The following THRSP variants were observed in gnomAD, a reference collection of about 807,000 sequenced individuals.
The protein encoded by THRSP is thyroid hormone responsive.
THRSP carries 9 observed loss-of-function variants against 11.1 expected under a neutral mutation model. That is an observed-to-expected ratio of 0.81 (90% CI 0.49 to 1.42). The LOEUF (loss-of-function observed/expected upper bound fraction) is 1.42. Ranked by LOEUF, THRSP falls within the 40% of genes most tolerant of loss-of-function variation. The pLI is 0.00. For synonymous variants in THRSP, 73 were observed against 78.1 expected (o/e 0.94, Z 0.34); for missense variants, 177 against 188.2 (o/e 0.94, Z 0.35).
chr11:78,066,117 T>C (rs1222469954), intron 1 of THRSP, among the ~76,000 whole-genome samples: 2 of 152,252 alleles, frequency 1.3e-5, no homozygotes, highest in African/African-American at 2.4e-5. Context: ...GGCATTTGAA[T>C]AGTTTTAAGA....
intron 1 of THRSP, among the ~76,000 whole-genome samples, chr11:78,067,135 T>A (rs551803786): frequency 6.7e-6 from 1 of 150,100 alleles, no homozygotes; most frequent in African/African-American, 2.5e-5. Flanking sequence ...TTTTTTTTTT[T>A]TTTGAGATGG....
At chr11:78,064,930 A>C (rs527838560) in intron 1 of THRSP, among the ~76,000 whole-genome samples, 1 of 149,388 alleles carries the variant, frequency 6.7e-6, no homozygotes, top group African/African-American at 2.5e-5. Flanking sequence ...CAGAGGTTGC[A>C]GTGAGCTGAG....
chr11:78,064,127 C>T lies in THRSP; in HGVS notation c.246C>T (p.Ala82=). The T allele has an allele frequency of 6.2e-7, 1 of 1,614,004 alleles. No homozygotes were observed. The highest frequency in any genetic ancestry group is 8.5e-7 in the Non-Finnish European group (1 of 1,180,014). ...TGCTGCCGCGGGAGGAGTGGCAGGCCAAGGTGGCAGGCAGCGAAGAGAATG... is the reference window on the plus strand; with the variant it reads ...TGCTGCCGCGGGAGGAGTGGCAGGCTAAGGTGGCAGGCAGCGAAGAGAATG... ...HGLLPREEWQ[A]KVAGSEENGT... The change falls in exon 1 of 2, where the codon GCC becomes GCT. Residue 82 remains alanine, a synonymous_variant. Transcript: ENST00000281030.
At position 78,064,354 on chromosome 11, in the gene THRSP, A is replaced by G; in HGVS notation, c.*19+13A>G. On this transcript the variant is annotated intron_variant, in intron 1 of 1. Transcript: ENST00000281030. Reference sequence around the variant, plus strand: ...GACACTAGGGAAGGTAATGGTGGCCATGCTGGTGGGTGTGAGTCTACAAAG... The same window carrying G: ...GACACTAGGGAAGGTAATGGTGGCCGTGCTGGTGGGTGTGAGTCTACAAAG... 1 of 1,575,918 alleles carries G rather than the reference A, an allele frequency of 6.3e-7. No homozygotes were observed. Among genetic ancestry groups the G allele is most frequent in the South Asian group, 1.2e-5 (1 of 84,878 alleles).
At position 78,064,257 on chromosome 11, in the gene THRSP, C is replaced by G. The variant is rs1364201750; in HGVS notation, c.376C>G (p.His126Asp). ...HFSSLHHILM[H>D]LTEKAQEVTR... ...CTCCAGCCTCCATCACATCCTCATG[C>G]ACCTCACCGAGAAAGCCCAGGAGGT... The change falls in exon 1 of 2, where the codon CAC becomes GAC. Residue 126 changes from histidine to aspartate, a missense_variant. By Grantham distance (81) the His-to-Asp change is moderately conservative. Transcript: ENST00000281030. 6.2e-7 allele frequency: 1 copy of G among 1,613,888 alleles called. No homozygotes were observed. Among genetic ancestry groups the G allele is most frequent in the Non-Finnish European group, 8.5e-7 (1 of 1,180,008 alleles).
rs556135498 is a variant in THRSP at position 78,063,916 on chromosome 11, G to A, written c.35G>A (p.Cys12Tyr). The A allele has an allele frequency of 1.3e-6, 2 of 1,596,182 alleles. No individual in the cohort carries two copies. Among genetic ancestry groups the A allele is most frequent in the South Asian group, 1.1e-5 (1 of 88,232 alleles). ...QVLTKRYPKNCLLTVMDRYAA... is the reference protein window; with the variant it reads ...QVLTKRYPKNYLLTVMDRYAA... Reference sequence around the variant, plus strand: ...CTAACCAAGCGTTACCCCAAGAACTGCCTGCTGACCGTCATGGACCGGTAT... The same window carrying A: ...CTAACCAAGCGTTACCCCAAGAACTACCTGCTGACCGTCATGGACCGGTAT... Residue 12 changes from cysteine (C) to tyrosine (Y), a missense_variant, in exon 1 of 2, where the codon TGC (cysteine) becomes TAC (tyrosine). Cys to Tyr is a radical substitution (Grantham distance 194, BLOSUM62 -2). Transcript: ENST00000281030.
At chr11:78,066,281 A>G (rs1858737131) in intron 1 of THRSP, among the ~76,000 whole-genome samples, 1 of 152,018 alleles carries the variant, frequency 6.6e-6, no homozygotes, top group African/African-American at 2.4e-5. Flanking sequence ...GATTTTCCTC[A>G]GCTTCCAAAG....
At position 78,063,900 on chromosome 11, in the gene THRSP, C is replaced by G. The variant is rs1289448165; in HGVS notation, c.19C>G (p.Arg7Gly). ...AGCAACCATGCAGGTGCTAACCAAG[C>G]GTTACCCCAAGAACTGCCTGCTGAC... Reference protein sequence around the residue: MQVLTKRYPKNCLLTVM... With the variant: MQVLTKGYPKNCLLTVM... The change falls in exon 1 of 2, where the codon CGT becomes GGT. Residue 7 changes from arginine to glycine, a missense_variant. Transcript: ENST00000281030. 2 of 1,580,244 alleles carry G rather than the reference C, an allele frequency of 1.3e-6. No homozygotes were observed. Among genetic ancestry groups the G allele is most frequent in the African/African-American group, 1.3e-5 (1 of 74,106 alleles).
rs1461603363 is a variant in THRSP at position 78,064,357 on chromosome 11, C to A, written c.*19+16C>A. On this transcript the variant is annotated intron_variant, in intron 1 of 1. Coordinates refer to ENST00000281030, the MANE Select transcript of THRSP (RefSeq NM_003251.4). ...ACTAGGGAAGGTAATGGTGGCCATG[C>A]TGGTGGGTGTGAGTCTACAAAGGGA... The A allele has an allele frequency of 6.4e-7, 1 of 1,570,096 alleles. No homozygotes were observed.
Position 78,064,355 on chromosome 11 carries a change from T to C in THRSP, c.*19+14T>C. 1 of 1,570,960 alleles carries C rather than the reference T, an allele frequency of 6.4e-7. No individual in the cohort carries two copies. The highest frequency in any genetic ancestry group is 8.6e-7 in the Non-Finnish European group (1 of 1,156,548). On this transcript the variant is annotated intron_variant, in intron 1 of 1. Coordinates refer to ENST00000281030, the MANE Select transcript of THRSP (RefSeq NM_003251.4). ...ACACTAGGGAAGGTAATGGTGGCCA[T>C]GCTGGTGGGTGTGAGTCTACAAAGG...
At position 78,064,139 on chromosome 11, in the gene THRSP, C is replaced by T; in HGVS notation, c.258C>T (p.Gly86=). 1 of 1,614,088 alleles carries T rather than the reference C, an allele frequency of 6.2e-7. No homozygotes were observed. The highest frequency in any genetic ancestry group is 8.5e-7 in the Non-Finnish European group (1 of 1,180,002). Residue 86 remains glycine (G), a synonymous_variant, in exon 1 of 2, where the codon GGC becomes GGT. Transcript: ENST00000281030. ...AGGAGTGGCAGGCCAAGGTGGCAGG[C>T]AGCGAAGAGAATGGAACCGCAGAGA... ...PREEWQAKVA[G]SEENGTAETE...
chr11:78,067,430 C>CTTATCTTACCTTTCTGTATCT (rs1858794197), intron 1 of THRSP, among the ~76,000 whole-genome samples: 1 of 152,236 alleles, frequency 6.6e-6, no homozygotes, highest in African/African-American at 2.4e-5. Context: ...CCCTAGACAA[C>CTTATCTTACCTTTCTGTATCT]TTATCTTACC....
Position 78,064,029 on chromosome 11 carries a change from C to G in THRSP, c.148C>G (p.Gln50Glu). The change falls in exon 1 of 2, where the codon CAG becomes GAG. Residue 50 changes from glutamine to glutamate, a missense_variant. Physicochemically the swap from Gln to Glu is conservative, Grantham distance 29. Coordinates refer to ENST00000281030, the MANE Select transcript of THRSP (RefSeq NM_003251.4). ...VQLSGPGGQA[Q>E]AEAPDLYTYF... ...GCTGAGTGGGCCTGGGGGCCAGGCC[C>G]AGGCTGAGGCCCCTGATCTCTACAC... The G allele has an allele frequency of 2.5e-6, 4 of 1,613,334 alleles. No individual in the cohort carries two copies. The highest frequency in any genetic ancestry group is 3.4e-6 in the Non-Finnish European group (4 of 1,179,788).
rs1210558159 is a variant in THRSP, at chr11:78,066,330, A to AT, written c.*20-1322dup. Among the ~76,000 whole-genome samples, 7 of 152,118 alleles carry AT rather than the reference A, an allele frequency of 4.6e-5. No homozygotes were observed. In the South Asian group the frequency reaches 1.0e-3, roughly 23 times the overall value. ...AGGCGTGTGCCACCACACCCAGCTAATTTTTTTAAAATCTTTAGTAGAGAC... is the reference window on the plus strand; with the variant it reads ...AGGCGTGTGCCACCACACCCAGCTAATTTTTTTTAAAATCTTTAGTAGAGAC... On this transcript the variant is annotated intron_variant, in intron 1 of 1. Transcript: ENST00000281030.
At chr11:78,067,273 C>A (rs1473434367) in intron 1 of THRSP, among the ~76,000 whole-genome samples, 1 of 151,994 alleles carries the variant, frequency 6.6e-6, no homozygotes, top group Non-Finnish European at 1.5e-5. Flanking sequence ...AGGCTCACGC[C>A]ACCATGCCTG....
intron 1 of THRSP, among the ~76,000 whole-genome samples, chr11:78,065,908 C>T (rs1292848614): frequency 6.6e-6 from 1 of 152,158 alleles, no homozygotes; most frequent in Non-Finnish European, 1.5e-5. Flanking sequence ...CAACCTCAAC[C>T]CTTCTTCCCT....
Position 78,064,158 on chromosome 11 carries a change from G to A in THRSP, c.277G>A (p.Ala93Thr), listed in dbSNP as rs199522939. 6.3e-5 allele frequency: 101 copies of A among 1,614,144 alleles called. No homozygotes were observed. In the Admixed American group the frequency reaches 1.4e-3, roughly 22 times the overall value. The stretch of plus-strand genomic sequence containing the variant: ...GGCAGGCAGCGAAGAGAATGGAACC[G>A]CAGAGACAGAGGAAGTCGAGGACGA... ...KVAGSEENGTAETEEVEDESA... is the reference protein window; with the variant it reads ...KVAGSEENGTTETEEVEDESA... The change falls in exon 1 of 2, where the codon GCA becomes ACA. Residue 93 changes from alanine to threonine, a missense_variant. Physicochemically the swap from Ala to Thr is moderately conservative, Grantham distance 58. Coordinates refer to ENST00000281030, the MANE Select transcript of THRSP (RefSeq NM_003251.4).
intron 1 of THRSP, among the ~76,000 whole-genome samples, chr11:78,066,356 C>T (rs9651744): frequency 0.35 from 53,469 of 151,912 alleles, 10,976 homozygotes; most frequent in Non-Finnish European, 0.45. Context: ...TAGTAGAGAC[C>T]GGGTTTCACC....
At chr11:78,064,544 C>T (rs927779449) in intron 1 of THRSP, among the ~76,000 whole-genome samples, 3 of 152,108 alleles carry the variant, frequency 2.0e-5, no homozygotes, top group African/African-American at 7.2e-5. Context: ...TTGGCAATTG[C>T]AATGAAGTGA....
Sources: gnomAD v4.1 joint callset for allele counts (sites outside exome capture counted in the v4.1 genomes callset) on GRCh38, gnomAD v4.1.1 for gene constraint, MANE v1.5 for transcripts, NCBI Gene and HGNC (gene_info 2026-07-23, HGNC 2026-07-21) for gene names.